The following PCDHGA4 variants were observed in gnomAD, a reference collection of about 807,000 sequenced individuals.
PCDHGA4 encodes the protein protocadherin gamma-A4.
A neutral mutation model predicts 54.6 loss-of-function variants in PCDHGA4; 38 were observed. The ratio of observed to expected loss-of-function variants is 0.70; its 90% CI spans 0.54 to 0.91. PCDHGA4 has a LOEUF of 0.91. PCDHGA4 is among the 40% of genes least tolerant of loss of function. PCDHGA4 has a pLI of 0.00. For missense variants in PCDHGA4, 1,298 were observed against 1,220.9 expected, an observed-to-expected ratio of 1.06 and a Z score of -0.94; for synonymous variants, 511 against 512.9, an observed-to-expected ratio of 1.00 and a Z score of 0.05.
chr5:141,475,167 G>A (rs529813171), intron 1 of PCDHGA4, among the ~76,000 whole-genome samples: 4 of 152,042 alleles, frequency 2.6e-5, no homozygotes, highest in Admixed American at 6.6e-5. Flanking sequence ...CATTAGCAGT[G>A]CAACTTCTTG....
intron 1 of PCDHGA4, chr5:141,385,006 G>T (rs762264055): frequency 1.2e-6 from 2 of 1,614,090 alleles, no homozygotes; most frequent in Admixed American, 3.3e-5. Flanking sequence ...AGTCTCCTGC[G>T]TCTTCCTAGC....
At chr5:141,362,466 G>C (rs753193547) in intron 1 of PCDHGA4, 2 of 1,613,924 alleles carry the variant, frequency 1.2e-6, no homozygotes, top group African/African-American at 1.3e-5. Context: ...TGGTTCCCGC[G>C]CAAGATCTCG....
At chr5:141,400,003 C>G (rs2093938557) in intron 1 of PCDHGA4, 1 of 1,612,278 alleles carries the variant, frequency 6.2e-7, no homozygotes, top group Non-Finnish European at 8.5e-7. Context: ...GCGCACAGCG[C>G]GTGCCTTGGG....
intron 1 of PCDHGA4, chr5:141,478,160 GC>G (rs764598056): frequency 1.9e-6 from 3 of 1,613,964 alleles, no homozygotes; most frequent in Non-Finnish European, 2.5e-6. Flanking sequence ...CTCTGGCTCT[GC>G]CCCCCGGGAG....
chr5:141,400,736 G>A, intron 1 of PCDHGA4: 1 of 630,462 alleles, frequency 1.6e-6, no homozygotes, highest in Non-Finnish European at 2.7e-6. Context: ...AGTAGTGAGA[G>A]TTTGCTCTTA....
In PCDHGA4 at chr5:141,384,899, G is replaced by A; in HGVS notation, c.2514+27278G>A. On this transcript the variant is annotated intron_variant, in intron 1 of 3. Transcript: ENST00000571252. ...ACACTCACCGTGGCTGTGGCTGACA[G>A]CATCCCCGAAGTCTTGGCCGACCTG... The A allele has an allele frequency of 1.9e-6, 3 of 1,613,894 alleles. No homozygotes were observed. In the East Asian group the frequency reaches 6.7e-5, roughly 36 times the overall value.
In PCDHGA4 at chr5:141,506,176, C is replaced by T. The variant is rs183157987; in HGVS notation, c.2662+695C>T. ...CCTTAAGAGCACAGCCTAAGCTGGG[C>T]GTGGTGGCTCACGCCTGTAATCCCA... is the stretch of plus-strand genomic sequence containing the variant. On this transcript the variant is annotated intron_variant, in intron 3 of 3. Coordinates refer to ENST00000571252, the MANE Select transcript of PCDHGA4 (RefSeq NM_018917.4). Among the ~76,000 whole-genome samples the T allele has an allele frequency of 3.0e-3, 454 of 152,234 alleles. 1 individual carries two copies. The highest frequency in any genetic ancestry group is 0.021 in the Admixed American group (317 of 15,296).
intron 1 of PCDHGA4, chr5:141,423,184 C>T (rs747938944): frequency 9.3e-6 from 15 of 1,613,442 alleles, no homozygotes; most frequent in Non-Finnish European, 1.2e-5. Context: ...CCACGGCCAG[C>T]CCCCTCTCTC....
intron 1 of PCDHGA4, chr5:141,392,786 T>C: frequency 5.2e-6 from 8 of 1,550,412 alleles, no homozygotes; most frequent in Non-Finnish European, 7.0e-6. Flanking sequence ...CAGTGAAGAT[T>C]CTGAGAGGAT....
chr5:141,399,287 C>G (rs1393904771), intron 1 of PCDHGA4: 1 of 1,613,912 alleles, frequency 6.2e-7, no homozygotes, highest in Non-Finnish European at 8.5e-7. Context: ...GGCGAAGTCC[C>G]TTTTAAGATT....
chr5:141,417,923 C>T, intron 1 of PCDHGA4: 1 of 1,608,652 alleles, frequency 6.2e-7, no homozygotes, highest in Non-Finnish European at 8.5e-7. Context: ...TCCTTTGCTG[C>T]TGCCTTTGTT....
At chr5:141,359,201 G>A (rs908538216) in intron 1 of PCDHGA4, among the ~76,000 whole-genome samples, 2 of 152,124 alleles carry the variant, frequency 1.3e-5, no homozygotes, top group African/African-American at 4.8e-5. Flanking sequence ...ACAAGTGAAT[G>A]TTGAGAGACA....
intron 1 of PCDHGA4, chr5:141,409,794 C>T (rs1345529657): frequency 1.9e-6 from 3 of 1,611,732 alleles, no homozygotes; most frequent in South Asian, 1.1e-5. Flanking sequence ...TTCGCGCTCA[C>T]GCTGCAGGCC....
In PCDHGA4 at chr5:141,474,831, G is replaced by A. The variant is rs188288898; in HGVS notation, c.2515-19976G>A. On this transcript the variant is annotated intron_variant, in intron 1 of 3. Coordinates refer to ENST00000571252, the MANE Select transcript of PCDHGA4 (RefSeq NM_018917.4). ...CATCATTAATTGAGGCTTACTCTGTGCCAGGCACTTTACCTGCCTTCTTCA... is the reference window on the plus strand; with the variant it reads ...CATCATTAATTGAGGCTTACTCTGTACCAGGCACTTTACCTGCCTTCTTCA... 5.3e-5 allele frequency among the ~76,000 whole-genome samples: 8 copies of A among 152,350 alleles called. No individual in the cohort carries two copies. The East Asian group carries it at 1.5e-3, about 29-fold the overall frequency.
chr5:141,414,000 A>T (rs759228883), intron 1 of PCDHGA4: 2 of 1,613,282 alleles, frequency 1.2e-6, no homozygotes, highest in African/African-American at 2.7e-5. Flanking sequence ...ACAGGGACGA[A>T]GGTGCCAATG....
intron 1 of PCDHGA4, chr5:141,395,196 G>A (rs1431851304): frequency 5.0e-6 from 8 of 1,613,948 alleles, no homozygotes; most frequent in Admixed American, 1.7e-5. Flanking sequence ...GTTAACATCC[G>A]TAGATTTTCA....
intron 1 of PCDHGA4, among the ~76,000 whole-genome samples, chr5:141,467,695 T>C (rs1189395935): frequency 6.6e-6 from 1 of 152,142 alleles, no homozygotes; most frequent in Non-Finnish European, 1.5e-5. Flanking sequence ...AGGGTCTGGC[T>C]CTGTTGCCCA....
intron 1 of PCDHGA4, chr5:141,366,610 C>T (rs1157276449): frequency 1.9e-6 from 3 of 1,614,232 alleles, no homozygotes; most frequent in Non-Finnish European, 2.5e-6. Context: ...TCTCCCTCAC[C>T]GCGGACTCGA....
intron 1 of PCDHGA4, chr5:141,395,547 TGTGTGTGTGTGTGTGTGTGTGTGTG>T: frequency 5.8e-6 from 1 of 173,894 alleles, no homozygotes; most frequent in Admixed American, 6.5e-5. Context: ...ATTGTTTGTG[TGTGTGTGTGTGTGTGTGTGTGTGTG>T]TGTGTGTGTG....
Sources: gnomAD v4.1 joint callset for allele counts (sites outside exome capture counted in the v4.1 genomes callset) on GRCh38, gnomAD v4.1.1 for gene constraint, MANE v1.5 for transcripts, NCBI Gene and HGNC (gene_info 2026-07-23, HGNC 2026-07-21) for gene names.